CELA3B: variants seen among roughly 807,000 people sequenced by gnomAD.
CELA3B encodes chymotrypsin-like elastase family member 3B.
A neutral mutation model predicts 37.2 loss-of-function variants in CELA3B; 34 were observed. The ratio of observed to expected loss-of-function variants is 0.91; its 90% CI spans 0.70 to 1.22. The LOEUF (loss-of-function observed/expected upper bound fraction) is 1.22, where lower values mean the gene tolerates loss of function less well. Ranked by LOEUF, CELA3B falls within the 50% of genes most tolerant of loss-of-function variation. The pLI is 0.00. For synonymous variants in CELA3B, 127 were observed against 143.5 expected (o/e 0.89, Z 0.82); for missense variants, 340 against 363.1 (o/e 0.94, Z 0.52).
chr1:21,980,043 C>T (rs1644795198), intron 2 of CELA3B, among the ~76,000 whole-genome samples: 1 of 58,256 alleles, frequency 1.7e-5, no homozygotes, highest in Non-Finnish European at 4.6e-5. Context: ...TGATGTGCCC[C>T]ACTGTCCACA....
downstream of CELA3B, among the ~76,000 whole-genome samples, chr1:21,989,860 C>A (rs1452902687): frequency 6.6e-6 from 1 of 150,492 alleles, no homozygotes; most frequent in East Asian, 2.0e-4. Flanking sequence ...TGAAGTGACT[C>A]ATTATTTAAA....
At position 21,983,797 on chromosome 1, in the gene CELA3B, C is replaced by A; in HGVS notation, c.466C>A (p.Pro156Thr). The change falls in exon 5 of 8, where the codon CCC becomes ACC. Residue 156 changes from proline to threonine, a missense_variant. Coordinates refer to ENST00000337107, the MANE Select transcript of CELA3B (RefSeq NM_007352.4). ...PAGDILPNET[P>T]CYITGWGRLY... The stretch of plus-strand genomic sequence containing the variant: ...TGGTGACATCCTTCCCAACGAGACA[C>A]CCTGCTACATCACCGGCTGGGGCCG... 6.2e-7 allele frequency: 1 copy of A among 1,614,134 alleles called. No homozygotes were observed. The highest frequency in any genetic ancestry group is 8.5e-7 in the Non-Finnish European group (1 of 1,180,034).
intron 7 of CELA3B, among the ~76,000 whole-genome samples, chr1:21,988,758 C>T (rs1433633805): frequency 1.0e-4 from 15 of 150,746 alleles, no homozygotes; most frequent in East Asian, 5.9e-4. Context: ...GGCATGGTGG[C>T]GTACGCCTGT....
chr1:21,991,125 A>T (rs1644867015), downstream of CELA3B, among the ~76,000 whole-genome samples: 1 of 80,670 alleles, frequency 1.2e-5, no homozygotes, highest in African/African-American at 4.7e-5. Context: ...CAAATTTCAC[A>T]TTTTGCTTCA....
intron 7 of CELA3B, 191 bp downstream of exon 7, chr1:21,986,874 T>C: frequency 1.5e-6 from 1 of 651,684 alleles, no homozygotes; most frequent in Non-Finnish European, 2.7e-6. Context: ...ACTTGATGGC[T>C]TCTGGGTGGT....
rs559595714 is a variant in CELA3B, at chr1:21,977,389, T to A, written c.43+307T>A. Among the ~76,000 whole-genome samples the A allele has an allele frequency of 2.3e-3, 347 of 152,260 alleles. 1 individual carries two copies. Among genetic ancestry groups the A allele is most frequent in the Admixed American group, 3.3e-3 (50 of 15,274 alleles). On this transcript the variant is annotated intron_variant, in intron 1 of 7. Coordinates refer to ENST00000337107, the MANE Select transcript of CELA3B (RefSeq NM_007352.4). ...GGACTTCTTGGGTTGGAATTTCCAC[T>A]GTTCTGCTTACCACTCCAACTCTCC...
chr1:21,988,863 C>T (rs1431191817), intron 7 of CELA3B, among the ~76,000 whole-genome samples: 1 of 151,842 alleles, frequency 6.6e-6, no homozygotes, highest in Non-Finnish European at 1.5e-5. Flanking sequence ...GCACTCCAGC[C>T]TGGGCAACAG....
downstream of CELA3B, among the ~76,000 whole-genome samples, chr1:21,991,240 C>T (rs1263590595): frequency 7.8e-6 from 1 of 128,330 alleles, no homozygotes; most frequent in East Asian, 2.2e-4. Flanking sequence ...TGGCACAATC[C>T]TGGCTCGCTG....
chr1:21,985,290 T>TTA (rs2152816548), intron 6 of CELA3B, among the ~76,000 whole-genome samples: 1 of 151,178 alleles, frequency 6.6e-6, no homozygotes, highest in South Asian at 2.1e-4. Context: ...CTTTTTTTTT[T>TTA]TTTTTGAGAC....
chr1:21,988,912 A>ATG (rs1166474305), intron 7 of CELA3B, among the ~76,000 whole-genome samples: 1 of 19,258 alleles, frequency 5.2e-5, no homozygotes, highest in Non-Finnish European at 1.0e-3. Context: ...AACTCCAAAA[A>ATG]TATATATTTT....
chr1:21,998,193 C>A (rs1303754499), exon 5 of CELA3B: 2 of 470,198 alleles, frequency 4.3e-6, no homozygotes, highest in South Asian at 1.6e-5. Context: ...GACTTAGGAC[C>A]ACTGTGTGTG....
At chr1:21,983,655 C>T in intron 4 of CELA3B, 39 bp from the exon 5 acceptor site, 4 of 1,605,356 alleles carry the variant, frequency 2.5e-6, no homozygotes, top group Non-Finnish European at 2.6e-6. Context: ...CTTGGGCCGG[C>T]TGGAGGACCA....
chr1:21,987,302 A>T (rs1200865686), intron 7 of CELA3B, among the ~76,000 whole-genome samples: 1 of 151,508 alleles, frequency 6.6e-6, no homozygotes, highest in Admixed American at 6.6e-5. Flanking sequence ...AAAATACAAA[A>T]ATTAGCCGGG....
Position 21,981,052 on chromosome 1 carries a change from A to C in CELA3B, c.242A>C (p.Tyr81Ser). The stretch of plus-strand genomic sequence containing the variant: ...TCCGCCCGCAGGAGCTCCCGGACCT[A>C]CCAGGTGGTGTTGGGCGAGTACGAC... ...AGHCISSSRT[Y>S]QVVLGEYDRA... Residue 81 changes from tyrosine (Y) to serine (S), a missense_variant, in exon 4 of 8, where the codon TAC becomes TCC. Coordinates refer to ENST00000337107, the MANE Select transcript of CELA3B (RefSeq NM_007352.4). The C allele has an allele frequency of 6.2e-7, 1 of 1,614,062 alleles. No homozygotes were observed. Among genetic ancestry groups the C allele is most frequent in the African/African-American group, 1.3e-5 (1 of 75,044 alleles).
chr1:21,997,255 GGAGGCT>G (rs1194751150), intron 4 of CELA3B, among the ~76,000 whole-genome samples: 1 of 150,602 alleles, frequency 6.6e-6, no homozygotes. Context: ...CAGCTACTTG[GGAGGCT>G]GAGGCAGGAG....
In CELA3B at chr1:21,983,208, A is replaced by T. The variant is rs1192263667; in HGVS notation, c.363-486A>T. Among the ~76,000 whole-genome samples the T allele has an allele frequency of 5.3e-5, 8 of 152,112 alleles. 1 individual carries two copies. Among genetic ancestry groups the T allele is most frequent in the Admixed American group, 2.0e-4 (3 of 15,268 alleles). On this transcript the variant is annotated intron_variant, in intron 4 of 7. Transcript: ENST00000337107. Reference sequence around the variant, plus strand: ...CTACTAAAAATAATTAACAAAAATTAGCCAAGCGTGGTGGCATGTACCTGT... The same window carrying T: ...CTACTAAAAATAATTAACAAAAATTTGCCAAGCGTGGTGGCATGTACCTGT...
chr1:21,994,310 C>T (rs1304463938), downstream of CELA3B, among the ~76,000 whole-genome samples: 1 of 150,954 alleles, frequency 6.6e-6, no homozygotes, highest in East Asian at 2.0e-4. Flanking sequence ...TCCTCCACTG[C>T]TCCCACCAGA....
Position 21,984,324 on chromosome 1 carries a change from G to C in CELA3B, c.635G>C (p.Gly212Ala). The change falls in exon 6 of 8, where the codon GGC becomes GCC. Residue 212 changes from glycine (G) to alanine (A), a missense_variant. Coordinates refer to ENST00000337107, the MANE Select transcript of CELA3B (RefSeq NM_007352.4). Reference protein sequence around the residue: ...MVCAGGDIRSGCNGDSGGPLN... With the variant: ...MVCAGGDIRSACNGDSGGPLN... ...TGTGCTGGAGGGGACATCCGCTCCG[G>C]CTGCAATGTGAGTCAGCTCTTACCT... The C allele has an allele frequency of 6.2e-7, 1 of 1,613,298 alleles. No individual in the cohort carries two copies. Among genetic ancestry groups the C allele is most frequent in the Non-Finnish European group, 8.5e-7 (1 of 1,179,664 alleles).
chr1:21,980,885 C>T lies in CELA3B; in HGVS notation c.191C>T (p.Ala64Val), dbSNP rs576599953. The T allele has an allele frequency of 1.4e-5, 22 of 1,612,806 alleles. No individual in the cohort carries two copies. In the East Asian group the frequency reaches 2.9e-4, roughly 21 times the overall value. The change falls in exon 3 of 8, where the codon GCC becomes GTC. Residue 64 changes from alanine (A) to valine (V), a missense_variant. Transcript: ENST00000337107. ...CACACCTGTGGCGGTAGCCTCATCG[C>T]CCCCGACTGGGTTGTGACTGCCGGC... ...FYHTCGGSLI[A>V]PDWVVTAGHC...
Sources: allele counts gnomAD v4.1 joint callset (sites outside exome capture counted in the v4.1 genomes callset), GRCh38; gene constraint gnomAD v4.1.1; transcripts MANE v1.5; gene names NCBI Gene and HGNC (gene_info 2026-07-23, HGNC 2026-07-21).